The following ALMS1 variants were observed in gnomAD, a reference collection of about 807,000 sequenced individuals.
ALMS1 encodes ALMS1 centrosome and basal body associated protein.
Under a neutral mutation model 352.2 loss-of-function variants are expected in ALMS1, and 271 were observed. That is an observed-to-expected ratio of 0.77 (90% CI 0.70 to 0.85). The LOEUF (loss-of-function observed/expected upper bound fraction) is 0.85, where lower values mean the gene tolerates loss of function less well. Among genes scored for constraint, ALMS1 ranks in the 40% least tolerant of loss-of-function variants. The pLI, the probability that ALMS1 is intolerant of heterozygous loss-of-function variation, is 0.00. For missense variants in ALMS1, 5,445 were observed against 4,870.7 expected (o/e 1.12, Z -3.51); for synonymous variants, 1,865 against 1,761.2 (o/e 1.06, Z -1.48).
In ALMS1 at chr2:73,451,958, A is replaced by G. The variant is rs746145428; in HGVS notation, c.5431A>G (p.Lys1811Glu). Residue 1811 changes from lysine to glutamate, a missense_variant, in exon 8 of 23, where the codon AAG becomes GAG. By Grantham distance (56) the Lys-to-Glu change is moderately conservative. Transcript: ENST00000613296. ...VTSTSYSHRE[K>E]PIVSYQRELP... is the part of the protein sequence containing the mutation. The stretch of plus-strand genomic sequence containing the variant: ...CTCTACTTCCTACTCACACAGAGAG[A>G]AGCCCATTGTTTCCTACCAGCGAGA... 6.2e-7 allele frequency: 1 copy of G among 1,613,726 alleles called. No homozygotes were observed. Among genetic ancestry groups the G allele is most frequent in the South Asian group, 1.1e-5 (1 of 91,068 alleles).
At chr2:73,578,874 A>G (rs539127009) in intron 16 of ALMS1, among the ~76,000 whole-genome samples, 1 of 151,910 alleles carries the variant, frequency 6.6e-6, no homozygotes, top group Non-Finnish European at 1.5e-5. Context: ...TAATTGTCTT[A>G]CCCTTATTTC....
At chr2:73,466,176 C>G (rs1244704543) in intron 9 of ALMS1, among the ~76,000 whole-genome samples, 1 of 152,126 alleles carries the variant, frequency 6.6e-6, no homozygotes, top group African/African-American at 2.4e-5. Context: ...TATAAAGACA[C>G]ATACACATGT....
chr2:73,408,767 C>T lies in ALMS1; in HGVS notation c.450+20C>T, dbSNP rs201559095. On this transcript the variant is annotated intron_variant, in intron 2 of 22. Transcript: ENST00000613296. ...GATCAGGTATGTCTTCTGTAACTGG[C>T]TAACTTTTTTTTTTTGATAAGCAGC... 9.1e-5 allele frequency: 146 copies of T among 1,599,312 alleles called. No individual in the cohort carries two copies. Among genetic ancestry groups the T allele is most frequent in the Non-Finnish European group, 5.1e-5 (60 of 1,173,418 alleles).
In ALMS1 at chr2:73,424,960, C is replaced by G. The variant is rs908829002; in HGVS notation, c.1237+58C>G. The G allele has an allele frequency of 4.2e-6, 6 of 1,444,892 alleles. No homozygotes were observed. In the Admixed American group the frequency reaches 1.3e-4, roughly 32 times the overall value. 89.5% of individuals were successfully genotyped at this position (1,444,892 alleles called of 1,614,324 possible). A position where few individuals can be genotyped will look rare whatever the true frequency, so the allele number is the denominator to read the frequency against. ...GACACAATTGATAAAAATAAAATTC[C>G]CAAGGGAAGTAACAATTTTAGTGTC... On this transcript the variant is annotated intron_variant, in intron 5 of 22. Coordinates refer to ENST00000613296, the MANE Select transcript of ALMS1 (RefSeq NM_001378454.1).
At chr2:73,454,204 G>T in intron 8 of ALMS1, 137 bp downstream of exon 8, 1 of 1,436,662 alleles carries the variant, frequency 7.0e-7, no homozygotes, top group Non-Finnish European at 9.2e-7. Context: ...GATATTTGGA[G>T]TTCTAAATGT....
intron 9 of ALMS1, among the ~76,000 whole-genome samples, chr2:73,485,250 T>G (rs1672807222): frequency 6.6e-6 from 1 of 152,218 alleles, no homozygotes; most frequent in Non-Finnish European, 1.5e-5. Flanking sequence ...CAGATGGGTT[T>G]TTGGTGTGGA....
chr2:73,609,487 A>G, intron 22 of ALMS1, 81 bp from the exon 23 acceptor site: 1 of 1,273,808 alleles, frequency 7.9e-7, no homozygotes, highest in Non-Finnish European at 1.1e-6. Context: ...CTCCTTGGTG[A>G]CATGGATGCA....
At chr2:73,454,849 A>G (rs1672027103) in intron 8 of ALMS1, among the ~76,000 whole-genome samples, 1 of 152,230 alleles carries the variant, frequency 6.6e-6, no homozygotes, top group African/African-American at 2.4e-5. Context: ...ATTATGAGTA[A>G]TTGTAGCAGG....
intron 9 of ALMS1, among the ~76,000 whole-genome samples, chr2:73,480,395 G>C (rs1376463349): frequency 6.6e-6 from 1 of 152,110 alleles, no homozygotes; most frequent in Non-Finnish European, 1.5e-5. Flanking sequence ...TCCCTACAAA[G>C]GACATGAACT....
intron 9 of ALMS1, among the ~76,000 whole-genome samples, chr2:73,482,780 T>G (rs1232483493): frequency 6.6e-5 from 10 of 150,962 alleles, no homozygotes; most frequent in South Asian, 2.1e-4. Context: ...TATTCAGAGA[T>G]TCAACTTCTT....
At chr2:73,564,578 CA>C (rs951046484) in intron 15 of ALMS1, among the ~76,000 whole-genome samples, 2 of 151,852 alleles carry the variant, frequency 1.3e-5, no homozygotes, top group African/African-American at 4.8e-5. Flanking sequence ...TTCTTCACTT[CA>C]AAAAAGAAAC....
intron 8 of ALMS1, 195 bp downstream of exon 8, chr2:73,454,262 A>T: frequency 1.0e-6 from 1 of 967,022 alleles, no homozygotes; most frequent in Non-Finnish European, 1.2e-6. Context: ...CTAACAATCC[A>T]TAAAAAGCCT....
chr2:73,547,953 G>T (rs562455473), intron 12 of ALMS1, among the ~76,000 whole-genome samples: 1 of 152,128 alleles, frequency 6.6e-6, no homozygotes, highest in East Asian at 1.9e-4. Flanking sequence ...TTGGTGATAG[G>T]AGTATGGAGA....
intron 7 of ALMS1, among the ~76,000 whole-genome samples, chr2:73,446,119 C>A (rs1671807459): frequency 1.3e-5 from 2 of 152,116 alleles, no homozygotes; most frequent in South Asian, 4.1e-4. Context: ...TCCTCCCTCG[C>A]TTTTAACAGC....
rs566145417 is a variant in ALMS1 at position 73,503,404 on chromosome 2, C to T, written c.9539+11906C>T. On this transcript the variant is annotated intron_variant, in intron 10 of 22. Coordinates refer to ENST00000613296, the MANE Select transcript of ALMS1 (RefSeq NM_001378454.1). Reference sequence around the variant, plus strand: ...GAGAATGATGATTTCCAATTTTATCCATGTCCCTACAAAGGACATGAACTC... The same window carrying T: ...GAGAATGATGATTTCCAATTTTATCTATGTCCCTACAAAGGACATGAACTC... Among the ~76,000 whole-genome samples the T allele has an allele frequency of 4.6e-5, 7 of 152,168 alleles. No homozygotes were observed. The South Asian group carries it at 1.5e-3, about 32-fold the overall frequency.
chr2:73,571,968 A>G (rs1334260361), intron 15 of ALMS1, among the ~76,000 whole-genome samples: 1 of 152,122 alleles, frequency 6.6e-6, no homozygotes, highest in Non-Finnish European at 1.5e-5. Context: ...GGTGGTAAAT[A>G]CATATAGCAG....
At chr2:73,442,203 C>G (rs1437883559) in intron 7 of ALMS1, among the ~76,000 whole-genome samples, 1 of 152,142 alleles carries the variant, frequency 6.6e-6, no homozygotes, top group East Asian at 1.9e-4. Context: ...AACTTTTTGA[C>G]TGCTGACATG....
chr2:73,467,655 A>G (rs1327285978), intron 9 of ALMS1, among the ~76,000 whole-genome samples: 3 of 152,110 alleles, frequency 2.0e-5, no homozygotes, highest in Non-Finnish European at 2.9e-5. Flanking sequence ...CATGGTCAAT[A>G]ATAATTATAG....
chr2:73,455,373 C>T, intron 9 of ALMS1, 78 bp downstream of exon 9: 1 of 1,572,110 alleles, frequency 6.4e-7, no homozygotes, highest in Non-Finnish European at 8.7e-7. Flanking sequence ...ACTTGGGCAT[C>T]AGTTGAGTTG....
Sources: allele counts gnomAD v4.1 joint callset (sites outside exome capture counted in the v4.1 genomes callset), GRCh38; gene constraint gnomAD v4.1.1; transcripts MANE v1.5; gene names NCBI Gene and HGNC (gene_info 2026-07-23, HGNC 2026-07-21).